YAF2: variants seen among roughly 807,000 people sequenced by gnomAD.
YAF2 encodes the protein YY1-associated factor 2.
A neutral mutation model predicts 20.1 loss-of-function variants in YAF2; 7 were observed. The ratio of observed to expected loss-of-function variants is 0.35; its 90% confidence interval spans 0.20 to 0.65. The LOEUF is 0.65. Ranked by LOEUF, YAF2 falls within the 30% of genes least tolerant of loss-of-function variation. The pLI is 0.69. For synonymous variants in YAF2, 74 were observed against 76.0 expected, an observed-to-expected ratio of 0.97 and a Z score of 0.14; for missense variants, 151 against 219.2, an observed-to-expected ratio of 0.69 and a Z score of 1.96.
In YAF2 at chr12:42,219,712, C is replaced by A. The variant is rs141082742; in HGVS notation, c.152+17887G>T. Among the ~76,000 whole-genome samples the A allele has an allele frequency of 3.3e-4, 51 of 152,292 alleles. 1 individual carries two copies. In the East Asian group the frequency reaches 8.5e-3, roughly 25 times the overall value. Reference sequence around the variant, plus strand: ...GATGAATACCTCACACCCCGTCCACCTCATTATCTTATCCAGAAAAAATAC... The same window carrying A: ...GATGAATACCTCACACCCCGTCCACATCATTATCTTATCCAGAAAAAATAC... On this transcript the variant is annotated intron_variant, in intron 2 of 3. Transcript: ENST00000534854.
chr12:42,200,108 C>T (rs761101631), intron 2 of YAF2, among the ~76,000 whole-genome samples: 2 of 152,100 alleles, frequency 1.3e-5, no homozygotes, highest in Non-Finnish European at 2.9e-5. Flanking sequence ...ATTTTGGAGA[C>T]AAAATAGTGA....
chr12:42,164,863 A>T (rs1452105039), intron 2 of YAF2, among the ~76,000 whole-genome samples: 1 of 152,088 alleles, frequency 6.6e-6, no homozygotes, highest in Non-Finnish European at 1.5e-5. Context: ...TGAGTCCAGG[A>T]GTTCGAGGCC....
intron 2 of YAF2, among the ~76,000 whole-genome samples, chr12:42,228,515 G>A (rs1478175796): frequency 2.1e-5 from 1 of 48,646 alleles, no homozygotes; most frequent in Non-Finnish European, 3.4e-5. Flanking sequence ...CAGCCGCCCC[G>A]TCCGGGAGGT....
chr12:42,178,799 G>C (rs1226182909), intron 2 of YAF2, among the ~76,000 whole-genome samples: 1 of 152,062 alleles, frequency 6.6e-6, no homozygotes, highest in African/African-American at 2.4e-5. Context: ...CAGAGACAGG[G>C]TGCATAATTC....
At chr12:42,198,767 G>A (rs896757579) in intron 2 of YAF2, among the ~76,000 whole-genome samples, 9 of 152,264 alleles carry the variant, frequency 5.9e-5, no homozygotes, top group African/African-American at 1.9e-4. Flanking sequence ...AACAAGTGAA[G>A]CAATAAAAGA....
chr12:42,223,286 A>G (rs993848256), intron 2 of YAF2, among the ~76,000 whole-genome samples: 5 of 151,974 alleles, frequency 3.3e-5, no homozygotes, highest in Admixed American at 6.6e-5. Flanking sequence ...TTTTACATCA[A>G]TTATATAACT....
chr12:42,195,954 G>A (rs2137126837), intron 2 of YAF2, among the ~76,000 whole-genome samples: 1 of 152,082 alleles, frequency 6.6e-6, no homozygotes, highest in East Asian at 1.9e-4. Flanking sequence ...AGGCACAGTG[G>A]CTCATACCTG....
At chr12:42,237,574 C>G (rs1438382647) in intron 2 of YAF2, 25 bp downstream of exon 2, 5 of 1,493,404 alleles carry the variant, frequency 3.3e-6, no homozygotes, top group Non-Finnish European at 4.5e-6. Flanking sequence ...CGGCCGGCGG[C>G]GCGAGGGGCA....
intron 3 of YAF2, 126 bp downstream of exon 3, chr12:42,161,487 C>T (rs2065798809): frequency 9.2e-7 from 1 of 1,090,610 alleles, no homozygotes; most frequent in Admixed American, 3.6e-5. Flanking sequence ...AAAACCTTTC[C>T]TGATACCTTA....
chr12:42,210,637 T>C lies in YAF2; in HGVS notation c.152+26962A>G, dbSNP rs1300340338. 14 of 1,535,938 alleles carry C rather than the reference T, an allele frequency of 9.1e-6. No homozygotes were observed. The African/African-American group carries it at 9.6e-5, about 11-fold the overall frequency. ...ATGTGGATCTGTGGAGATTACCCAA[T>C]AGGAGAACTCCAGTTACTGGTAAGT... On this transcript the variant is annotated intron_variant, in intron 2 of 3. Transcript: ENST00000534854.
intron 2 of YAF2, chr12:42,234,128 G>T: frequency 3.5e-6 from 3 of 858,602 alleles, no homozygotes; most frequent in Non-Finnish European, 4.2e-6. Flanking sequence ...CCGAGGTCAC[G>T]CCACTGTACT....
At chr12:42,237,395 C>A (rs996038433) in intron 2 of YAF2, 57 of 1,279,186 alleles carry the variant, frequency 4.5e-5, no homozygotes, top group Non-Finnish European at 5.5e-5. Flanking sequence ...CAGCAAAAAA[C>A]GTTACAGCCT....
intron 2 of YAF2, among the ~76,000 whole-genome samples, chr12:42,220,102 GAA>G (rs936952243): frequency 2.0e-5 from 3 of 152,078 alleles, no homozygotes; most frequent in Non-Finnish European, 4.4e-5. Flanking sequence ...CCTAAAATGG[GAA>G]AAAGTCTACT....
intron 2 of YAF2, chr12:42,231,330 G>C (rs1315504791): frequency 6.6e-6 from 1 of 152,084 alleles, no homozygotes. Context: ...CTGGTTAGTA[G>C]AAGACACCTG....
Position 42,180,827 on chromosome 12 carries a change from A to G in YAF2, c.153-19062T>C, listed in dbSNP as rs569889195. On this transcript the variant is annotated intron_variant, in intron 2 of 3. Coordinates refer to ENST00000534854, the MANE Select transcript of YAF2 (RefSeq NM_005748.6). Reference sequence around the variant, plus strand: ...GCTGGATGTGGTGGTGCGTGCCTATAATCCCAGCTACTCAAGAGGCTGAGG... The same window carrying G: ...GCTGGATGTGGTGGTGCGTGCCTATGATCCCAGCTACTCAAGAGGCTGAGG... Among the ~76,000 whole-genome samples, 15 of 152,256 alleles carry G rather than the reference A, an allele frequency of 9.9e-5. No individual in the cohort carries two copies. The South Asian group carries it at 2.1e-3, about 21-fold the overall frequency.
intron 2 of YAF2, chr12:42,233,791 G>A (rs1054193738): frequency 4.7e-5 from 46 of 985,342 alleles, no homozygotes; most frequent in Non-Finnish European, 5.4e-5. Flanking sequence ...GGGCTTACAG[G>A]TGTGGGCCAC....
At chr12:42,225,276 G>A (rs545809061) in intron 2 of YAF2, among the ~76,000 whole-genome samples, 58 of 152,212 alleles carry the variant, frequency 3.8e-4, no homozygotes, top group African/African-American at 1.3e-3. Context: ...TTGTCAGATG[G>A]ACAGATGGCA....
chr12:42,173,068 G>A (rs2066090709), intron 2 of YAF2, among the ~76,000 whole-genome samples: 1 of 152,064 alleles, frequency 6.6e-6, no homozygotes, highest in South Asian at 2.1e-4. Context: ...GAGAGGGAGA[G>A]AGAGAAAGAG....
rs1231670999 is a variant in YAF2, at chr12:42,160,668, G to A, written c.464C>T (p.Ser155Phe). The change falls in exon 4 of 4, where the codon TCT becomes TTT. Residue 155 changes from serine (S) to phenylalanine (F), a missense_variant. This residue lies in a region of YAF2 where 51 missense variants were observed against 48.9 expected (regional missense o/e 1.04). Transcript: ENST00000534854. Reference protein sequence around the residue: ...ADQHSQSGSSSDNTERGMSRS... With the variant: ...ADQHSQSGSSFDNTERGMSRS... ...GGACATTCCTCTCTCTGTGTTATCA[G>A]AGCTAGAGCCGCTTTGACTGTGTTG... The A allele has an allele frequency of 6.2e-7, 1 of 1,613,696 alleles. No homozygotes were observed. Among genetic ancestry groups the A allele is most frequent in the Non-Finnish European group, 8.5e-7 (1 of 1,179,878 alleles).
Sources: gnomAD v4.1 joint callset for allele counts (sites outside exome capture counted in the v4.1 genomes callset) on GRCh38, gnomAD v4.1.1 for gene constraint, gnomAD v4.1.1 regional missense constraint, MANE v1.5 for transcripts, NCBI Gene and HGNC (gene_info 2026-07-23, HGNC 2026-07-21) for gene names.